AOPEP: variants seen among roughly 807,000 people sequenced by gnomAD.
AOPEP encodes aminopeptidase O (putative).
AOPEP carries 77 observed loss-of-function variants against 98.1 expected under a neutral mutation model. The observed-to-expected ratio is 0.78, with a 90% CI of 0.65 to 0.95. AOPEP has a LOEUF of 0.95. Among genes scored for constraint, AOPEP ranks in the 40% least tolerant of loss-of-function variants. The probability of loss-of-function intolerance (pLI) is 0.00; values close to 1 mark genes in which losing one functional copy is unlikely to be tolerated. For synonymous variants in AOPEP, 346 were observed against 365.3 expected, an observed-to-expected ratio of 0.95 and a Z score of 0.60; for missense variants, 1,024 against 1,024.7, an observed-to-expected ratio of 1.00 and a Z score of 0.01.
intron 5 of AOPEP, among the ~76,000 whole-genome samples, chr9:94,825,569 G>A (rs569361050): frequency 3.3e-5 from 5 of 152,252 alleles, no homozygotes; most frequent in East Asian, 1.9e-4. Flanking sequence ...CTCCCTAGGC[G>A]CTGTCACTTT....
At chr9:94,745,502 C>G (rs895672071) in intron 1 of AOPEP, among the ~76,000 whole-genome samples, 1 of 151,990 alleles carries the variant, frequency 6.6e-6, no homozygotes, top group African/African-American at 2.4e-5. Flanking sequence ...GTCTCGATCT[C>G]CTGACCTCGT....
chr9:95,051,768 A>G (rs1037215068), intron 13 of AOPEP, among the ~76,000 whole-genome samples: 5 of 151,858 alleles, frequency 3.3e-5, no homozygotes, highest in Non-Finnish European at 7.4e-5. Context: ...CAGTGGCACA[A>G]TCTTGGCTCA....
chr9:94,740,269 A>G (rs879320269), intron 1 of AOPEP, among the ~76,000 whole-genome samples: 1 of 152,030 alleles, frequency 6.6e-6, no homozygotes, highest in Admixed American at 6.6e-5. Flanking sequence ...GGGGTGATGT[A>G]GGACAGTGGC....
intron 13 of AOPEP, among the ~76,000 whole-genome samples, chr9:95,020,655 C>T (rs1000134513): frequency 6.6e-5 from 10 of 151,616 alleles, no homozygotes; most frequent in East Asian, 1.9e-4. Context: ...TGATGGCTCA[C>T]GCCTATAGTT....
the AOPEP span, among the ~76,000 whole-genome samples, chr9:95,133,680 T>C: frequency 1.3e-5 from 2 of 152,226 alleles, no homozygotes; most frequent in South Asian, 2.1e-4. Context: ...AATTTTTCAA[T>C]AGGGAGAAGA....
the AOPEP span, among the ~76,000 whole-genome samples, chr9:95,138,675 G>A: frequency 4.0e-4 from 61 of 152,292 alleles, no homozygotes; most frequent in Non-Finnish European, 7.2e-4. Flanking sequence ...CATCCTGGCC[G>A]AGAGCCATGG....
At chr9:95,149,883 G>GA in the AOPEP span, 1 of 1,561,654 alleles carries the variant, frequency 6.4e-7, no homozygotes, top group Non-Finnish European at 8.7e-7. Context: ...CTAAGAAAAG[G>GA]AAAAACGACG....
chr9:95,010,793 T>C (rs1447111913), intron 13 of AOPEP, among the ~76,000 whole-genome samples: 1 of 152,206 alleles, frequency 6.6e-6, no homozygotes, highest in Non-Finnish European at 1.5e-5. Context: ...ATTGTGCCTT[T>C]GGATGGCAAC....
At chr9:95,036,030 T>C (rs2064789953) in intron 13 of AOPEP, among the ~76,000 whole-genome samples, 1 of 152,212 alleles carries the variant, frequency 6.6e-6, no homozygotes, top group Non-Finnish European at 1.5e-5. Context: ...CTGAGTTTTC[T>C]TGAATAGAAG....
At chr9:95,006,078 T>C (rs1418496421) in intron 13 of AOPEP, 2 of 471,760 alleles carry the variant, frequency 4.2e-6, no homozygotes, top group African/African-American at 2.0e-5. Flanking sequence ...AGGAGGAATT[T>C]TATTTACTGT....
chr9:95,139,652 T>A, the AOPEP span, among the ~76,000 whole-genome samples: 2 of 151,690 alleles, frequency 1.3e-5, no homozygotes, highest in African/African-American at 2.4e-5. Flanking sequence ...GATGTGGCTA[T>A]GGTGTAATGC....
chr9:94,745,948 G>T (rs184156744), intron 1 of AOPEP, among the ~76,000 whole-genome samples: 3 of 152,300 alleles, frequency 2.0e-5, no homozygotes, highest in South Asian at 4.2e-4. Context: ...CCTCCATACT[G>T]TACTTCATAG....
At chr9:95,108,140 T>G in the AOPEP span, among the ~76,000 whole-genome samples, 4 of 152,034 alleles carry the variant, frequency 2.6e-5, no homozygotes. Flanking sequence ...GTGTGAGGCG[T>G]TTTTTTTCCC....
chr9:94,956,798 T>C (rs1199129025), intron 9 of AOPEP, among the ~76,000 whole-genome samples: 1 of 152,232 alleles, frequency 6.6e-6, no homozygotes, highest in African/African-American at 2.4e-5. Context: ...ACCTTTTTCA[T>C]ATTTGATAAT....
intron 5 of AOPEP, chr9:94,900,775 A>G (rs764400823): frequency 7.9e-5 from 12 of 152,320 alleles, no homozygotes; most frequent in East Asian, 1.9e-4. Context: ...AATGTCATCT[A>G]TATTTGGCTT....
At chr9:95,017,507 C>T (rs934099604) in intron 13 of AOPEP, among the ~76,000 whole-genome samples, 3 of 152,210 alleles carry the variant, frequency 2.0e-5, no homozygotes, top group Non-Finnish European at 2.9e-5. Flanking sequence ...TGTGACCCAT[C>T]GTTGACTGAA....
chr9:95,047,911 C>A (rs987125655), intron 13 of AOPEP, among the ~76,000 whole-genome samples: 2 of 152,160 alleles, frequency 1.3e-5, no homozygotes, highest in Admixed American at 1.3e-4. Context: ...GAACAGTTAG[C>A]GACCTCCACC....
chr9:94,878,177 A>G (rs1343815536), intron 5 of AOPEP, among the ~76,000 whole-genome samples: 1 of 151,360 alleles, frequency 6.6e-6, no homozygotes, highest in Non-Finnish European at 1.5e-5. Flanking sequence ...GATTAGAGGA[A>G]AAAAGCAAAA....
At chr9:94,738,569 AATTATT>A (rs1201424915) in intron 1 of AOPEP, among the ~76,000 whole-genome samples, 1 of 152,014 alleles carries the variant, frequency 6.6e-6, no homozygotes. Context: ...CGAGAAAAAA[AATTATT>A]ATTATTATTT....
Sources: gnomAD v4.1 joint callset for allele counts (sites outside exome capture counted in the v4.1 genomes callset) on GRCh38, gnomAD v4.1.1 for gene constraint, MANE v1.5 for transcripts, NCBI Gene and HGNC (gene_info 2026-07-23, HGNC 2026-07-21) for gene names.